Variants in CACNA2D3 observed in about 807,000 individuals in gnomAD.
CACNA2D3 encodes the protein calcium voltage-gated channel auxiliary subunit alpha2delta 3, also known as voltage-dependent calcium channel subunit alpha-2/delta-3.
In CACNA2D3, 60 loss-of-function variants were observed where a neutral mutation model predicts 160.6. The observed-to-expected ratio is 0.37, with a 90% CI of 0.30 to 0.46. The LOEUF (loss-of-function observed/expected upper bound fraction) is 0.46. CACNA2D3 is among the 20% of genes least tolerant of loss of function. The pLI is 1.00. For synonymous variants in CACNA2D3, 558 were observed against 492.9 expected, an observed-to-expected ratio of 1.13 and a Z score of -1.75; for missense variants, 1,205 against 1,365.0, an observed-to-expected ratio of 0.88 and a Z score of 1.85.
At chr3:54,778,678 A>G (rs768623421) in intron 13 of CACNA2D3, among the ~76,000 whole-genome samples, 3 of 152,240 alleles carry the variant, frequency 2.0e-5, no homozygotes, top group Non-Finnish European at 4.4e-5. Context: ...CGCATCCTCA[A>G]TATATGATCA....
At chr3:54,262,657 G>A (rs148390267) in intron 2 of CACNA2D3, among the ~76,000 whole-genome samples, 46 of 152,194 alleles carry the variant, frequency 3.0e-4, no homozygotes, top group South Asian at 2.9e-3. Context: ...AGCATCCGTC[G>A]TGTGATTAGC....
intron 3 of CACNA2D3, among the ~76,000 whole-genome samples, chr3:54,358,372 G>A (rs796768044): frequency 9.8e-5 from 15 of 152,326 alleles, no homozygotes; most frequent in African/African-American, 3.6e-4. Context: ...TTTGTTTAAG[G>A]AAAGGACACC....
Position 55,074,250 on chromosome 3 carries a change from C to A in CACNA2D3, c.*44C>A. 1 of 1,457,214 alleles carries A rather than the reference C, an allele frequency of 6.9e-7. No homozygotes were observed. The highest frequency in any genetic ancestry group is 9.7e-7 in the Non-Finnish European group (1 of 1,036,142). 90.3% of individuals were successfully genotyped at this position (1,457,214 alleles called of 1,614,324 possible). ...CTTACTGACTGAGATGTTCTCTTGG[C>A]ATGCTAAATCATGGATAAACTGTGA... On this transcript the variant is annotated 3_prime_UTR_variant, in exon 38 of 38. Coordinates refer to ENST00000474759, the MANE Select transcript of CACNA2D3 (RefSeq NM_018398.3).
chr3:54,361,304 T>A (rs1369481932), intron 3 of CACNA2D3, among the ~76,000 whole-genome samples: 1 of 151,960 alleles, frequency 6.6e-6, no homozygotes, highest in African/African-American at 2.4e-5. Flanking sequence ...CTGGGTATCA[T>A]GCCCAGGTCA....
intron 4 of CACNA2D3, among the ~76,000 whole-genome samples, chr3:54,433,836 A>G (rs1011682578): frequency 2.0e-5 from 3 of 152,232 alleles, no homozygotes; most frequent in Non-Finnish European, 2.9e-5. Context: ...GCCTAATAGC[A>G]TAAAATCTTT....
At chr3:54,240,820 C>T (rs985355490) in intron 2 of CACNA2D3, among the ~76,000 whole-genome samples, 6 of 152,134 alleles carry the variant, frequency 3.9e-5, no homozygotes, top group Admixed American at 6.5e-5. Context: ...CGGCTCACTG[C>T]GTCTTCTGCC....
chr3:54,738,718 G>A (rs747185396), intron 11 of CACNA2D3, among the ~76,000 whole-genome samples: 5 of 152,112 alleles, frequency 3.3e-5, no homozygotes, highest in Non-Finnish European at 5.9e-5. Context: ...CTTCTCTACT[G>A]ACAGGAAGCT....
intron 2 of CACNA2D3, among the ~76,000 whole-genome samples, chr3:54,217,203 G>A (rs926982735): frequency 1.3e-5 from 2 of 152,156 alleles, no homozygotes; most frequent in African/African-American, 2.4e-5. Context: ...AGCCAGAGGC[G>A]TGTTCAGCAG....
intron 9 of CACNA2D3, among the ~76,000 whole-genome samples, chr3:54,615,513 A>G (rs1351510714): frequency 1.3e-5 from 2 of 152,224 alleles, no homozygotes; most frequent in Admixed American, 6.5e-5. Context: ...ATGGAGAGGG[A>G]ACTCTAGAAT....
chr3:54,976,457 A>T (rs1702393623), intron 29 of CACNA2D3, among the ~76,000 whole-genome samples: 1 of 152,098 alleles, frequency 6.6e-6, no homozygotes, highest in African/African-American at 2.4e-5. Context: ...CATTGTGCAC[A>T]TGTACCCTAA....
intron 29 of CACNA2D3, among the ~76,000 whole-genome samples, chr3:54,977,950 G>T (rs1490752098): frequency 6.6e-6 from 1 of 152,086 alleles, no homozygotes; most frequent in African/African-American, 2.4e-5. Context: ...CTAAACAATG[G>T]GTGGATTATT....
intron 3 of CACNA2D3, among the ~76,000 whole-genome samples, chr3:54,341,121 A>G (rs768811782): frequency 6.6e-6 from 1 of 152,160 alleles, no homozygotes; most frequent in Non-Finnish European, 1.5e-5. Flanking sequence ...GGTCACTTTC[A>G]CTAAGATAAC....
chr3:54,320,671 C>T (rs139442483), intron 3 of CACNA2D3, 113 bp downstream of exon 3: 128 of 544,668 alleles, frequency 2.4e-4, no homozygotes, highest in African/African-American at 1.8e-3. Flanking sequence ...GCATCTATTA[C>T]GTAAATACTT....
intron 28 of CACNA2D3, 55 bp downstream of exon 28, chr3:54,968,566 T>A: frequency 7.4e-7 from 1 of 1,344,110 alleles, no homozygotes; most frequent in Non-Finnish European, 1.0e-6. Context: ...ATACAGGTGT[T>A]CCCATTTGGG....
chr3:54,906,864 C>T (rs1700459085), intron 27 of CACNA2D3, among the ~76,000 whole-genome samples: 2 of 152,206 alleles, frequency 1.3e-5, no homozygotes, highest in African/African-American at 4.8e-5. Flanking sequence ...ATAGGTCACA[C>T]TTTATTTAAA....
chr3:54,785,277 C>T (rs1702614902), intron 13 of CACNA2D3, among the ~76,000 whole-genome samples: 1 of 151,884 alleles, frequency 6.6e-6, no homozygotes, highest in South Asian at 2.1e-4. Flanking sequence ...TTTTTTTTCT[C>T]CCCTCCTATG....
intron 14 of CACNA2D3, among the ~76,000 whole-genome samples, chr3:54,826,701 C>T (rs373253839): frequency 6.6e-6 from 1 of 152,138 alleles, no homozygotes. Flanking sequence ...TTCCTAATCT[C>T]CTTTAATATT....
chr3:54,992,890 G>A (rs1042498875), intron 31 of CACNA2D3, among the ~76,000 whole-genome samples: 1 of 152,172 alleles, frequency 6.6e-6, no homozygotes. Context: ...GGCTGGGGAG[G>A]CCTCAGGAGA....
At chr3:54,997,198 C>A (rs1702877509) in intron 31 of CACNA2D3, among the ~76,000 whole-genome samples, 1 of 152,068 alleles carries the variant, frequency 6.6e-6, no homozygotes, top group Non-Finnish European at 1.5e-5. Flanking sequence ...TAAATAAAGT[C>A]CAGTTCCTGC....
Sources: allele counts gnomAD v4.1 joint callset (sites outside exome capture counted in the v4.1 genomes callset), GRCh38; gene constraint gnomAD v4.1.1; transcripts MANE v1.5; gene names NCBI Gene and HGNC (gene_info 2026-07-23, HGNC 2026-07-21).